DPYSL3: variants seen among roughly 807,000 people sequenced by gnomAD.
The protein encoded by DPYSL3 is dihydropyrimidinase-related protein 3.
DPYSL3 carries 16 observed loss-of-function variants against 66.1 expected under a neutral mutation model. The ratio of observed to expected loss-of-function variants is 0.24; its 90% confidence interval spans 0.16 to 0.37. DPYSL3 has a LOEUF of 0.37. Among genes scored for constraint, DPYSL3 ranks in the 10% least tolerant of loss-of-function variants. DPYSL3 has a pLI of 1.00. For synonymous variants in DPYSL3, 338 were observed against 345.1 expected (o/e 0.98, Z 0.23); for missense variants, 738 against 916.2 (o/e 0.81, Z 2.51).
At chr5:147,504,329 C>A (rs1178008550) in intron 1 of DPYSL3, among the ~76,000 whole-genome samples, 1 of 152,182 alleles carries the variant, frequency 6.6e-6, no homozygotes, top group Non-Finnish European at 1.5e-5. Context: ...TTTTTATGTT[C>A]CTCAAATGCC....
At chr5:147,474,144 A>G (rs1468812056) in intron 1 of DPYSL3, among the ~76,000 whole-genome samples, 1 of 152,052 alleles carries the variant, frequency 6.6e-6, no homozygotes, top group Non-Finnish European at 1.5e-5. Context: ...TCATCACACA[A>G]TGTTGTTCAG....
chr5:147,411,875 C>T (rs17106689), intron 6 of DPYSL3, among the ~76,000 whole-genome samples: 7,627 of 152,262 alleles, frequency 0.05, 465 homozygotes, highest in East Asian at 0.19. Context: ...GAATGAATAA[C>T]GGTTTCTTGT....
chr5:147,479,891 G>A (rs539743100), intron 1 of DPYSL3, among the ~76,000 whole-genome samples: 9 of 152,288 alleles, frequency 5.9e-5, no homozygotes, highest in African/African-American at 2.2e-4. Flanking sequence ...AAGCAACTGA[G>A]TGGTGTTTCA....
chr5:147,421,017 A>C (rs1446392146), intron 2 of DPYSL3, among the ~76,000 whole-genome samples: 3 of 152,194 alleles, frequency 2.0e-5, no homozygotes, highest in African/African-American at 2.4e-5. Flanking sequence ...CTGGCCAGGG[A>C]AATCAGACAA....
chr5:147,446,215 T>G (rs1441577875), intron 1 of DPYSL3, among the ~76,000 whole-genome samples: 1 of 152,180 alleles, frequency 6.6e-6, no homozygotes, highest in Non-Finnish European at 1.5e-5. Flanking sequence ...AATGCCCTCA[T>G]TTTACTGATG....
intron 3 of DPYSL3, among the ~76,000 whole-genome samples, chr5:147,417,033 C>CT (rs1411482206): frequency 6.6e-6 from 1 of 152,196 alleles, no homozygotes. Flanking sequence ...CAGCCAAACT[C>CT]TAACAGCGAT....
At chr5:147,435,469 T>C (rs1331541377) in intron 1 of DPYSL3, among the ~76,000 whole-genome samples, 3 of 152,152 alleles carry the variant, frequency 2.0e-5, no homozygotes, top group African/African-American at 4.8e-5. Flanking sequence ...GAACCAATGG[T>C]ATCGATGCAA....
chr5:147,418,619 G>T lies in DPYSL3; in HGVS notation c.483C>A (p.Asp161Glu), dbSNP rs1251779877. 1.3e-6 allele frequency: 2 copies of T among 1,573,282 alleles called. No homozygotes were observed. The highest frequency in any genetic ancestry group is 8.6e-7 in the Non-Finnish European group (1 of 1,156,326). Residue 161 changes from aspartate (D) to glutamate (E), a missense_variant, in exon 3 of 14, where the codon GAC becomes GAA. Physicochemically the swap from Asp to Glu is conservative, Grantham distance 45. Coordinates refer to ENST00000343218, the MANE Select transcript of DPYSL3 (RefSeq NM_001197294.2). ...MEDGLIKQIG[D>E]NLIVPGGVKT... ...TCACTCCTCCAGGAACAATCAGATT[G>T]TCTCCAATTTGTCTGGTGAAACAAA...
chr5:147,420,711 G>T (rs930031961), intron 2 of DPYSL3, among the ~76,000 whole-genome samples: 1 of 152,162 alleles, frequency 6.6e-6, no homozygotes, highest in African/African-American at 2.4e-5. Flanking sequence ...TTTCAGGATT[G>T]AATTATGATC....
chr5:147,408,938 A>T, intron 6 of DPYSL3, 142 bp from the exon 7 acceptor site: 1 of 801,008 alleles, frequency 1.2e-6, no homozygotes, highest in South Asian at 1.7e-5. Context: ...TGGAGTTGCA[A>T]TATAGGGTAG....
At position 147,432,556 on chromosome 5, in the gene DPYSL3, G is replaced by A. The variant is rs186499270; in HGVS notation, c.382-7593C>T. ...TAATGGTCTGTTAATCTTCAACAGC[G>A]TTCCAGACACAGATAAGTACAAATA... is the stretch of plus-strand genomic sequence containing the variant. On this transcript the variant is annotated intron_variant, in intron 1 of 13. Transcript: ENST00000343218. 3.0e-3 allele frequency among the ~76,000 whole-genome samples: 457 copies of A among 152,294 alleles called. 1 individual carries two copies. The highest frequency in any genetic ancestry group is 4.1e-3 in the Non-Finnish European group (281 of 68,022).
intron 1 of DPYSL3, among the ~76,000 whole-genome samples, chr5:147,485,018 G>A (rs891967130): frequency 4.6e-5 from 7 of 152,164 alleles, no homozygotes; most frequent in Non-Finnish European, 1.0e-4. Context: ...TACAGCCCAT[G>A]AGAGTTTTAG....
intron 1 of DPYSL3, 122 bp from the exon 2 acceptor site, chr5:147,425,085 A>AT (rs1448616446): frequency 3.0e-6 from 2 of 665,972 alleles, no homozygotes; most frequent in Non-Finnish European, 5.2e-6. Context: ...CCAAAGACAT[A>AT]TGTGTGCTCA....
At chr5:147,467,752 T>C (rs766664362) in intron 1 of DPYSL3, among the ~76,000 whole-genome samples, 1 of 152,228 alleles carries the variant, frequency 6.6e-6, no homozygotes, top group Non-Finnish European at 1.5e-5. Context: ...TCTTAGTCCA[T>C]TCCTGCTGCT....
At chr5:147,465,133 G>T (rs1752991670) in intron 1 of DPYSL3, among the ~76,000 whole-genome samples, 1 of 152,196 alleles carries the variant, frequency 6.6e-6, no homozygotes, top group Non-Finnish European at 1.5e-5. Flanking sequence ...GGTCAAGGCT[G>T]CAGTGAGCTG....
In DPYSL3 at chr5:147,506,387, G is replaced by A. The variant is rs1269693470; in HGVS notation, c.381+3091C>T. Among the ~76,000 whole-genome samples the A allele has an allele frequency of 2.6e-5, 4 of 152,072 alleles. 1 individual carries two copies. The highest frequency in any genetic ancestry group is 7.2e-5 in the African/African-American group (3 of 41,398). On this transcript the variant is annotated intron_variant, in intron 1 of 13. Coordinates refer to ENST00000343218, the MANE Select transcript of DPYSL3 (RefSeq NM_001197294.2). The stretch of plus-strand genomic sequence containing the variant: ...GCTTGAATGGCAGGGTGTTTGCCAT[G>A]GAGACAATAGTAAGTCATAGATGCA...
At chr5:147,396,247 G>A (rs1757967248) in intron 12 of DPYSL3, among the ~76,000 whole-genome samples, 1 of 152,172 alleles carries the variant, frequency 6.6e-6, no homozygotes, top group South Asian at 2.1e-4. Flanking sequence ...GTGAGTGTCT[G>A]TGGTCTGACC....
At chr5:147,461,345 C>A (rs1752928599) in intron 1 of DPYSL3, among the ~76,000 whole-genome samples, 1 of 152,174 alleles carries the variant, frequency 6.6e-6, no homozygotes, top group African/African-American at 2.4e-5. Flanking sequence ...CACACCTGGT[C>A]CAACCAATCT....
At chr5:147,483,704 A>G (rs1276114898) in intron 1 of DPYSL3, among the ~76,000 whole-genome samples, 1 of 152,208 alleles carries the variant, frequency 6.6e-6, no homozygotes, top group Non-Finnish European at 1.5e-5. Flanking sequence ...CAGAATAATG[A>G]GTATTAAATA....
Sources: allele counts gnomAD v4.1 joint callset (sites outside exome capture counted in the v4.1 genomes callset), GRCh38; gene constraint gnomAD v4.1.1; transcripts MANE v1.5; gene names NCBI Gene and HGNC (gene_info 2026-07-23, HGNC 2026-07-21).